The following NOL9 variants were observed in gnomAD, a reference collection of about 807,000 sequenced individuals.
NOL9 encodes the protein nucleolar protein 9.
Under a neutral mutation model 67.9 loss-of-function variants are expected in NOL9, and 28 were observed. The observed-to-expected ratio is 0.41, with a 90% CI of 0.31 to 0.57. The LOEUF is 0.57. Among genes scored for constraint, NOL9 ranks in the 20% least tolerant of loss-of-function variants. The pLI, the probability that NOL9 is intolerant of heterozygous loss-of-function variation, is 0.25. For missense variants in NOL9, 777 were observed against 897.0 expected, an observed-to-expected ratio of 0.87 and a Z score of 1.71; for synonymous variants, 356 against 352.2, an observed-to-expected ratio of 1.01 and a Z score of -0.12.
At chr1:6,542,336 T>A (rs558086025) in intron 5 of NOL9, among the ~76,000 whole-genome samples, 1 of 149,722 alleles carries the variant, frequency 6.7e-6, no homozygotes, top group South Asian at 2.1e-4. Flanking sequence ...AATTTTTGTA[T>A]TTTTAGTAGA....
chr1:6,534,079 G>T (rs1490410533), intron 6 of NOL9, among the ~76,000 whole-genome samples: 4 of 151,836 alleles, frequency 2.6e-5, no homozygotes, highest in Non-Finnish European at 5.9e-5. Context: ...TAGAGACGGG[G>T]TTTCTCCATG....
At chr1:6,550,249 T>A in intron 2 of NOL9, 147 bp downstream of exon 2, 1 of 641,208 alleles carries the variant, frequency 1.6e-6, no homozygotes, top group Non-Finnish European at 2.7e-6. Context: ...GCCAGGATGG[T>A]CTCGATCTCC....
At chr1:6,543,312 C>T (rs1489393085) in intron 5 of NOL9, among the ~76,000 whole-genome samples, 3 of 151,972 alleles carry the variant, frequency 2.0e-5, no homozygotes, top group Non-Finnish European at 4.4e-5. Context: ...TCTCCTGCCT[C>T]AGCCTCCCGA....
chr1:6,544,904 G>A lies in NOL9; in HGVS notation c.899C>T (p.Pro300Leu). 1 of 1,614,122 alleles carries A rather than the reference G, an allele frequency of 6.2e-7. No individual in the cohort carries two copies. The highest frequency in any genetic ancestry group is 8.5e-7 in the Non-Finnish European group (1 of 1,180,022). ...CTGGGATCCACAAACTAGAATGACA[G>A]GGCAGCCATCTACTTCTTCTGAATG... Reference protein sequence around the residue: ...NVSCEEVDGCPVILVCGSQDV... With the variant: ...NVSCEEVDGCLVILVCGSQDV... The change falls in exon 5 of 12, where the codon CCT (proline) becomes CTT (leucine). Residue 300 changes from proline to leucine, a missense_variant. Coordinates refer to ENST00000377705, the MANE Select transcript of NOL9 (RefSeq NM_024654.5).
Position 6,545,094 on chromosome 1 carries a change from T to C in NOL9, c.831A>G (p.Leu277=). 8.7e-6 allele frequency: 14 copies of C among 1,614,240 alleles called. No individual in the cohort carries two copies. Among genetic ancestry groups the C allele is most frequent in the Non-Finnish European group, 1.1e-5 (13 of 1,180,042 alleles). Residue 277 remains leucine (L), a synonymous_variant, in exon 4 of 12, where the codon TTA becomes TTG. Coordinates refer to ENST00000377705, the MANE Select transcript of NOL9 (RefSeq NM_024654.5). ...RREKKRKGLQ[L]TESTLSALEE... ...CCAGGGCTGAAAGGGTACTCTCAGT[T>C]AACTGAAGGCCTTTCCTTTTTTTCT...
intron 10 of NOL9, 137 bp downstream of exon 10, chr1:6,528,857 G>A: frequency 1.4e-6 from 1 of 721,178 alleles, no homozygotes; most frequent in South Asian, 2.5e-5. Context: ...AGCCCCTAAG[G>A]CGTGCTATAT....
At chr1:6,537,991 CAAAAAAAAAAAAAA>C (rs35793215) in intron 6 of NOL9, among the ~76,000 whole-genome samples, 1 of 52,506 alleles carries the variant, frequency 1.9e-5, no homozygotes. Flanking sequence ...GACTCCATCT[CAAAAAAAAAAAAAA>C]AAAAAAAAAA....
chr1:6,533,823 G>A (rs547199276), intron 6 of NOL9, among the ~76,000 whole-genome samples: 1 of 151,758 alleles, frequency 6.6e-6, no homozygotes, highest in African/African-American at 2.4e-5. Flanking sequence ...AGCCATGTGT[G>A]TCTTATAGCA....
intron 1 of NOL9, among the ~76,000 whole-genome samples, chr1:6,550,920 T>G (rs936284192): frequency 6.6e-6 from 1 of 151,986 alleles, no homozygotes; most frequent in African/African-American, 2.4e-5. Context: ...CGACCTCAGG[T>G]GATCCATCCA....
At position 6,525,632 on chromosome 1, in the gene NOL9, G is replaced by A. The variant is rs1243603715; in HGVS notation, c.*222C>T. On this transcript the variant is annotated 3_prime_UTR_variant, in exon 12 of 12. Coordinates refer to ENST00000377705, the MANE Select transcript of NOL9 (RefSeq NM_024654.5). Reference sequence around the variant, plus strand: ...TCTGCTGTTTTACTCCCTCTGGACAGCAAGTATGAGTATCACACAGAAGAC... The same window carrying A: ...TCTGCTGTTTTACTCCCTCTGGACAACAAGTATGAGTATCACACAGAAGAC... 2 of 567,206 alleles carry A rather than the reference G, an allele frequency of 3.5e-6. No individual in the cohort carries two copies. The highest frequency in any genetic ancestry group is 2.2e-5 in the South Asian group (1 of 44,662). The allele number at this position is 567,206 out of a possible 1,614,324, so 35.1% of individuals were successfully genotyped here.
Position 6,532,915 on chromosome 1 carries a change from G to A in NOL9, c.1238-155C>T, listed in dbSNP as rs911349415. Among the ~76,000 whole-genome samples the A allele has an allele frequency of 2.4e-4, 36 of 152,216 alleles. 1 individual carries two copies. The highest frequency in any genetic ancestry group is 8.4e-4 in the African/African-American group (35 of 41,456). ...CGGCTGGGCACAGTGGCTCATGTTT[G>A]TAATCCCAGCATGCCTTGACAGGCC... is the stretch of plus-strand genomic sequence containing the variant. On this transcript the variant is annotated intron_variant, in intron 7 of 11. Transcript: ENST00000377705.
In NOL9 at chr1:6,548,700, T is replaced by C. The variant is rs185963744; in HGVS notation, c.744+871A>G. ...GTAAGGAAAGAGATAAAAGAAAATA[T>C]AAGTTCATTTAAACTACTCATTCAT... On this transcript the variant is annotated intron_variant, in intron 3 of 11. Transcript: ENST00000377705. 2.0e-3 allele frequency: 360 copies of C among 179,432 alleles called. 2 individuals are homozygous for C. The highest frequency in any genetic ancestry group is 8.1e-3 in the African/African-American group (345 of 42,354). The allele number at this position is 179,432 out of a possible 1,614,324, so 11.1% of individuals were successfully genotyped here.
At chr1:6,549,522 T>C in intron 3 of NOL9, 49 bp downstream of exon 3, 1 of 1,602,796 alleles carries the variant, frequency 6.2e-7, no homozygotes, top group Non-Finnish European at 8.5e-7. Context: ...TTGAAATCAC[T>C]GTTTTGGTGC....
chr1:6,540,141 G>A (rs1215756467), intron 6 of NOL9, among the ~76,000 whole-genome samples: 1 of 16,086 alleles, frequency 6.2e-5, no homozygotes, highest in African/African-American at 2.7e-4. Context: ...TTTTTTTTTT[G>A]AGACAGAGTC....
chr1:6,529,195 C>T, intron 9 of NOL9, 24 bp from the exon 10 acceptor site: 1 of 1,603,838 alleles, frequency 6.2e-7, no homozygotes, highest in African/African-American at 1.3e-5. Context: ...TTGCATCTCA[C>T]TCTATTCATG....
chr1:6,525,608 C>A lies in NOL9; in HGVS notation c.*246G>T, dbSNP rs111243254. The A allele has an allele frequency of 6.0e-6, 3 of 496,688 alleles. No homozygotes were observed. Among genetic ancestry groups the A allele is most frequent in the African/African-American group, 3.8e-5 (2 of 52,356 alleles). The allele number at this position is 496,688 out of a possible 1,614,324, so 30.8% of individuals were successfully genotyped here. A position where few individuals can be genotyped will look rare whatever the true frequency, so the allele number is the denominator to read the frequency against. ...GTTTTAATGGCACACAAACTGTTCT[C>A]TGCTGTTTTACTCCCTCTGGACAGC... On this transcript the variant is annotated 3_prime_UTR_variant, in exon 12 of 12. Coordinates refer to ENST00000377705, the MANE Select transcript of NOL9 (RefSeq NM_024654.5).
At chr1:6,544,154 G>A (rs532859590) in intron 5 of NOL9, among the ~76,000 whole-genome samples, 12 of 151,828 alleles carry the variant, frequency 7.9e-5, no homozygotes, top group African/African-American at 2.2e-4. Flanking sequence ...GTGGTGGTGC[G>A]CTAGTGTGGT....
At chr1:6,534,821 T>G (rs1639113040) in intron 6 of NOL9, among the ~76,000 whole-genome samples, 1 of 152,098 alleles carries the variant, frequency 6.6e-6, no homozygotes, top group Admixed American at 6.6e-5. Flanking sequence ...TTTATTTTTT[T>G]GAGACAGAGT....
intron 6 of NOL9, chr1:6,540,956 T>C (rs970962031): frequency 2.0e-5 from 3 of 150,894 alleles, no homozygotes; most frequent in African/African-American, 7.3e-5. Flanking sequence ...TTAAGTGATG[T>C]AGAACTGTGG....
Sources: allele counts gnomAD v4.1 joint callset (sites outside exome capture counted in the v4.1 genomes callset), GRCh38; gene constraint gnomAD v4.1.1; transcripts MANE v1.5; gene names NCBI Gene and HGNC (gene_info 2026-07-23, HGNC 2026-07-21).